Variants in SPATA20 observed in about 807,000 individuals in gnomAD.
SPATA20 encodes spermatogenesis associated 20, also known as spermatogenesis-associated protein 20.
A neutral mutation model predicts 98.9 loss-of-function variants in SPATA20; 74 were observed. The observed-to-expected ratio is 0.75, with a 90% CI of 0.62 to 0.91. The LOEUF (loss-of-function observed/expected upper bound fraction) is 0.91, where lower values mean the gene tolerates loss of function less well. Ranked by LOEUF, SPATA20 falls within the 40% of genes least tolerant of loss-of-function variation. The pLI, the probability that SPATA20 is intolerant of heterozygous loss-of-function variation, is 0.00. For synonymous variants in SPATA20, 430 were observed against 440.5 expected, an observed-to-expected ratio of 0.98 and a Z score of 0.30; for missense variants, 1,016 against 1,069.8, an observed-to-expected ratio of 0.95 and a Z score of 0.70.
At chr17:50,551,316 A>C in intron 12 of SPATA20, 126 bp downstream of exon 12, 1 of 1,194,084 alleles carries the variant, frequency 8.4e-7, no homozygotes, top group Non-Finnish European at 1.2e-6. Context: ...TTGACAAAAG[A>C]GGCTTAAGGA....
At chr17:50,549,633 T>G in intron 7 of SPATA20, 146 bp downstream of exon 7, 1 of 812,764 alleles carries the variant, frequency 1.2e-6, no homozygotes, top group Non-Finnish European at 1.9e-6. Flanking sequence ...TCGGTAGCTA[T>G]CGGTGAAGAC....
intron 2 of SPATA20, 54 bp downstream of exon 2, chr17:50,547,821 C>A: frequency 1.2e-6 from 1 of 841,544 alleles, no homozygotes; most frequent in East Asian, 2.4e-5. Context: ...TTGTCCCTCA[C>A]CTGGTCGAGT....
chr17:50,548,551 T>TA lies in SPATA20; in HGVS notation c.297-2dup. 2 of 1,613,672 alleles carry TA rather than the reference T, an allele frequency of 1.2e-6. No individual in the cohort carries two copies. Among genetic ancestry groups the TA allele is most frequent in the African/African-American group, 2.7e-5 (2 of 75,004 alleles). On this transcript the variant is annotated splice_region_variant and splice_polypyrimidine_tract_variant and intron_variant, in intron 3 of 16. Coordinates refer to ENST00000006658, the MANE Select transcript of SPATA20 (RefSeq NM_022827.4). The stretch of plus-strand genomic sequence containing the variant: ...GAGTGATGCCCCACCCTGCTGGGTC[T>TA]AGGTACCCCTGGGGACAGGAAGCCT...
chr17:50,547,636 T>C, intron 1 of SPATA20, 84 bp from the exon 2 acceptor site: 1 of 775,062 alleles, frequency 1.3e-6, no homozygotes, highest in East Asian at 2.4e-5. Context: ...CACAGTCCTT[T>C]ATTGCTGCAT....
At chr17:50,555,146 C>T (rs763329603) in intron 15 of SPATA20, 86 bp from the exon 16 acceptor site, 39 of 1,040,662 alleles carry the variant, frequency 3.7e-5, no homozygotes, top group East Asian at 7.4e-5. Context: ...TACGGTGGGG[C>T]GGAAGGAGGA....
At position 50,550,663 on chromosome 17, in the gene SPATA20, C is replaced by T. The variant is rs141141166; in HGVS notation, c.1174-45C>T. Reference sequence around the variant, plus strand: ...TGGCTGTGGGAGGGGTTGGGGCCTCCACTGCCCTGTGGGCCGGGGCCAGCC... The same window carrying T: ...TGGCTGTGGGAGGGGTTGGGGCCTCTACTGCCCTGTGGGCCGGGGCCAGCC... On this transcript the variant is annotated intron_variant, in intron 10 of 16. Coordinates refer to ENST00000006658, the MANE Select transcript of SPATA20 (RefSeq NM_022827.4). 3.3e-5 allele frequency: 54 copies of T among 1,612,938 alleles called. No individual in the cohort carries two copies. In the East Asian group the frequency reaches 1.2e-3, roughly 35 times the overall value.
rs141302744 is a variant in SPATA20, at chr17:50,548,924, A to T, written c.476A>T (p.Glu159Val). The T allele has an allele frequency of 7.8e-5, 126 of 1,614,010 alleles. No individual in the cohort carries two copies. The highest frequency in any genetic ancestry group is 1.0e-4 in the Non-Finnish European group (121 of 1,180,010). ...GTGAGTGTGAAGGTAGACCGTGAGG[A>T]GCGGCCTGACGTGGACAAGGTGTAC... ...DFVSVKVDRE[E>V]RPDVDKVYMT... Residue 159 changes from glutamate to valine, a missense_variant, in exon 5 of 17, where the codon GAG (glutamate) becomes GTG (valine). Coordinates refer to ENST00000006658, the MANE Select transcript of SPATA20 (RefSeq NM_022827.4).
chr17:50,549,085 A>C lies in SPATA20; in HGVS notation c.559A>C (p.Thr187Pro). ...GGGWPMNVWL[T>P]PNLQPFVGGT... is the part of the protein sequence containing the mutation. The stretch of plus-strand genomic sequence containing the variant: ...GGGCTGGCCCATGAATGTGTGGCTG[A>C]CTCCCAACCTCCAGCCCTTTGTCGG... Residue 187 changes from threonine to proline, a missense_variant, in exon 6 of 17, where the codon ACT (threonine) becomes CCT (proline). Transcript: ENST00000006658. 6.2e-7 allele frequency: 1 copy of C among 1,613,242 alleles called. No homozygotes were observed. Among genetic ancestry groups the C allele is most frequent in the Non-Finnish European group, 8.5e-7 (1 of 1,179,890 alleles).
At position 50,551,071 on chromosome 17, in the gene SPATA20, T is replaced by G. The variant is rs979997185; in HGVS notation, c.1457T>G (p.Phe486Cys). The G allele has an allele frequency of 1.2e-6, 2 of 1,613,224 alleles. No homozygotes were observed. Among genetic ancestry groups the G allele is most frequent in the African/African-American group, 2.7e-5 (2 of 74,940 alleles). ...TCGCTGGAGCTGACTGCTGCCCGCTTTGGCTTGGATGTGGAGGCCGTGCGG... is the reference window on the plus strand; with the variant it reads ...TCGCTGGAGCTGACTGCTGCCCGCTGTGGCTTGGATGTGGAGGCCGTGCGG... ...RYSLELTAAR[F>C]GLDVEAVRTL... Residue 486 changes from phenylalanine (F) to cysteine (C), a missense_variant, in exon 12 of 17, where the codon TTT becomes TGT. By Grantham distance (205) the Phe-to-Cys change is radical (BLOSUM62 -2). Coordinates refer to ENST00000006658, the MANE Select transcript of SPATA20 (RefSeq NM_022827.4).
At chr17:50,550,958 C>T (rs1567910313) in intron 11 of SPATA20, 40 bp from the exon 12 acceptor site, 1 of 1,611,610 alleles carries the variant, frequency 6.2e-7, no homozygotes, top group Admixed American at 1.7e-5. Flanking sequence ...CTGGTGCCTG[C>T]CAGGCGTGTG....
chr17:50,553,764 G>A (rs75999477), intron 14 of SPATA20, among the ~76,000 whole-genome samples: 7,676 of 152,088 alleles, frequency 0.05, 346 homozygotes, highest in Admixed American at 0.13. Context: ...AAGTGGGGGT[G>A]GGGGAAACAG....
chr17:50,551,303 C>T, intron 12 of SPATA20, 113 bp downstream of exon 12: 6 of 1,233,824 alleles, frequency 4.9e-6, no homozygotes, highest in Non-Finnish European at 6.7e-6. Flanking sequence ...TTATTATTCT[C>T]AGTTGACAAA....
rs1158143402 is a variant in SPATA20 at position 50,550,243 on chromosome 17, C to T, written c.1029C>T (p.His343=). The part of the protein sequence containing the change: ...FHRYSTDRQW[H]VPHFEKMLYD... ...GCTACTCCACAGACCGCCAGTGGCA[C>T]GTCCCTCACTTTGAGAAGATGCTCT... is the stretch of plus-strand genomic sequence containing the variant. Residue 343 remains histidine (H), a synonymous_variant, in exon 9 of 17, where the codon CAC becomes CAT. Transcript: ENST00000006658. 4.3e-6 allele frequency: 7 copies of T among 1,611,228 alleles called. No homozygotes were observed. The highest frequency in any genetic ancestry group is 4.0e-5 in the African/African-American group (3 of 74,888).
Position 50,548,898 on chromosome 17 carries a change from T to C in SPATA20, c.450T>C (p.Phe150=), listed in dbSNP as rs1296654835. The change falls in exon 5 of 17, where the codon TTT becomes TTC. Residue 150 remains phenylalanine, a synonymous_variant. Transcript: ENST00000006658. ...EEIGRLLSED[F]VSVKVDREER... is the part of the protein sequence containing the mutation. The stretch of plus-strand genomic sequence containing the variant: ...TTGGCCGCCTGCTCAGTGAGGACTT[T>C]GTGAGTGTGAAGGTAGACCGTGAGG... The C allele has an allele frequency of 1.9e-6, 3 of 1,613,968 alleles. No individual in the cohort carries two copies. The highest frequency in any genetic ancestry group is 2.7e-5 in the African/African-American group (2 of 74,898).
intron 5 of SPATA20, 26 bp from the exon 6 acceptor site, chr17:50,549,017 C>A: frequency 6.2e-7 from 1 of 1,613,880 alleles, no homozygotes. Flanking sequence ...GAGCAGCTCC[C>A]CTCACCCTCG....
In SPATA20 at chr17:50,551,614, T is replaced by G; in HGVS notation, c.1680T>G (p.Phe560Leu). The G allele has an allele frequency of 6.2e-7, 1 of 1,606,760 alleles. No homozygotes were observed. Among genetic ancestry groups the G allele is most frequent in the African/African-American group, 1.3e-5 (1 of 74,952 alleles). ...CCAAGTTCCTGAAGCGGCACATGTT[T>G]GATGTGGCCAGTGGCCGCCTGATGC... ...NGAKFLKRHM[F>L]DVASGRLMRT... The change falls in exon 13 of 17, where the codon TTT (phenylalanine) becomes TTG (leucine). Residue 560 changes from phenylalanine (F) to leucine (L), a missense_variant. Phe to Leu is a conservative substitution (Grantham distance 22). Transcript: ENST00000006658.
At chr17:50,548,692 C>T (rs2034956404) in intron 4 of SPATA20, 74 bp downstream of exon 4, 2 of 1,588,878 alleles carry the variant, frequency 1.3e-6, no homozygotes, top group Admixed American at 1.7e-5. Context: ...TCCTCTCGGC[C>T]TGGCGGGTCT....
intron 2 of SPATA20, chr17:50,548,036 C>G: frequency 6.8e-7 from 1 of 1,475,142 alleles, no homozygotes; most frequent in African/African-American, 1.4e-5. Context: ...ATCCTTCCCA[C>G]CGCCAGGCCC....
chr17:50,552,806 G>A (rs983662869), intron 14 of SPATA20, among the ~76,000 whole-genome samples: 1 of 151,760 alleles, frequency 6.6e-6, no homozygotes, highest in African/African-American at 2.4e-5. Flanking sequence ...TGCCCACCTC[G>A]GCCTCCCAAA....
Sources: allele counts gnomAD v4.1 joint callset (sites outside exome capture counted in the v4.1 genomes callset), GRCh38; gene constraint gnomAD v4.1.1; transcripts MANE v1.5; gene names NCBI Gene and HGNC (gene_info 2026-07-23, HGNC 2026-07-21).